AHR: variants seen among roughly 807,000 people sequenced by gnomAD.
AHR encodes AH-receptor.
AHR carries 40 observed loss-of-function variants against 86.8 expected under a neutral mutation model. The observed-to-expected ratio is 0.46, with a 90% CI of 0.36 to 0.60. The LOEUF (loss-of-function observed/expected upper bound fraction) is 0.60, where lower values mean the gene tolerates loss of function less well. Ranked by LOEUF, AHR falls within the 20% of genes least tolerant of loss-of-function variation. The probability of loss-of-function intolerance (pLI) is 0.00; values close to 1 mark genes in which losing one functional copy is unlikely to be tolerated. For synonymous variants in AHR, 398 were observed against 354.9 expected, an observed-to-expected ratio of 1.12 and a Z score of -1.37; for missense variants, 1,001 against 1,011.6, an observed-to-expected ratio of 0.99 and a Z score of 0.14.
intron 1 of AHR, among the ~76,000 whole-genome samples, chr7:17,309,075 T>C (rs952512051): frequency 6.6e-6 from 1 of 152,238 alleles, no homozygotes; most frequent in Non-Finnish European, 1.5e-5. Context: ...TAATGTCTGC[T>C]GTGAAATCCT....
intron 3 of AHR, among the ~76,000 whole-genome samples, chr7:17,327,127 G>A (rs1184588282): frequency 6.6e-6 from 1 of 152,006 alleles, no homozygotes; most frequent in African/African-American, 2.4e-5. Flanking sequence ...TGAATGTGCT[G>A]TGAACAAATA....
chr7:17,342,541 A>G (rs1267257437), intron 10 of AHR, among the ~76,000 whole-genome samples: 1 of 152,146 alleles, frequency 6.6e-6, no homozygotes, highest in Non-Finnish European at 1.5e-5. Context: ...ATTGATACCT[A>G]TAACTTCAAA....
intron 2 of AHR, among the ~76,000 whole-genome samples, chr7:17,314,571 T>G (rs1782097299): frequency 6.6e-6 from 1 of 152,104 alleles, no homozygotes; most frequent in African/African-American, 2.4e-5. Flanking sequence ...TTGTGTTTAT[T>G]CATCTTCAGC....
chr7:17,329,935 G>T lies in AHR; in HGVS notation c.451-17G>T, dbSNP rs764987578. Reference sequence around the variant, plus strand: ...AATCAGTCCTTTTGTTGTATTCCTTGTATCTTTTTTCTTTAGTCTGATGTC... The same window carrying T: ...AATCAGTCCTTTTGTTGTATTCCTTTTATCTTTTTTCTTTAGTCTGATGTC... On this transcript the variant is annotated splice_polypyrimidine_tract_variant and intron_variant, in intron 4 of 10. Transcript: ENST00000242057. 8 of 1,594,030 alleles carry T rather than the reference G, an allele frequency of 5.0e-6. No individual in the cohort carries two copies. Among genetic ancestry groups the T allele is most frequent in the Non-Finnish European group, 6.8e-6 (8 of 1,171,872 alleles).
chr7:17,330,502 A>G (rs1418359124), intron 5 of AHR, among the ~76,000 whole-genome samples: 3 of 151,972 alleles, frequency 2.0e-5, no homozygotes, highest in Non-Finnish European at 4.4e-5. Flanking sequence ...TTAAGAAAAC[A>G]AAAATGCATT....
intron 2 of AHR, among the ~76,000 whole-genome samples, chr7:17,320,640 T>A (rs1285085330): frequency 1.3e-5 from 2 of 152,108 alleles, no homozygotes; most frequent in Admixed American, 1.3e-4. Flanking sequence ...ACTCTGACGT[T>A]GTATGGTTTT....
intron 3 of AHR, among the ~76,000 whole-genome samples, chr7:17,323,242 A>C (rs1486925290): frequency 1.3e-5 from 2 of 152,118 alleles, no homozygotes; most frequent in Non-Finnish European, 2.9e-5. Context: ...TTTTTATGGA[A>C]TGTATCTCTA....
Position 17,322,527 on chromosome 7 carries a change from A to G in AHR, c.280A>G (p.Arg94Gly). The G allele has an allele frequency of 1.2e-6, 2 of 1,612,466 alleles. No individual in the cohort carries two copies. The highest frequency in any genetic ancestry group is 1.7e-6 in the Non-Finnish European group (2 of 1,178,888). ...DVALKSSPTE[R>G]NGGQDNCRAA... Reference sequence around the variant, plus strand: ...TGCATTAAAATCCTCCCCTACTGAAAGAAACGGAGGCCAGGATAACTGTAG... The same window carrying G: ...TGCATTAAAATCCTCCCCTACTGAAGGAAACGGAGGCCAGGATAACTGTAG... The change falls in exon 3 of 11, where the codon AGA (arginine) becomes GGA (glycine). Residue 94 changes from arginine (R) to glycine (G), a missense_variant. This residue lies in a region of AHR where 394 missense variants were observed against 468.5 expected (regional missense o/e 0.84). Coordinates refer to ENST00000242057, the MANE Select transcript of AHR (RefSeq NM_001621.5).
chr7:17,310,076 T>G lies in AHR; in HGVS notation c.206T>G (p.Val69Gly). 6.2e-7 allele frequency: 1 copy of G among 1,614,078 alleles called. No homozygotes were observed. Among genetic ancestry groups the G allele is most frequent in the Non-Finnish European group, 8.5e-7 (1 of 1,179,944 alleles). Residue 69 changes from valine to glycine, a missense_variant, in exon 2 of 11, where the codon GTT (valine) becomes GGT (glycine). Coordinates refer to ENST00000242057, the MANE Select transcript of AHR (RefSeq NM_001621.5). The part of the protein sequence containing the change: ...DVINKLDKLS[V>G]LRLSVSYLRA... The stretch of plus-strand genomic sequence containing the variant: ...ATTAATAAGTTGGACAAACTTTCAG[T>G]TCTTAGGCTCAGCGTCAGTTACCTG...
At chr7:17,330,971 C>T in intron 6 of AHR, 85 bp downstream of exon 6, 1 of 1,423,444 alleles carries the variant, frequency 7.0e-7, no homozygotes, top group Non-Finnish European at 9.6e-7. Flanking sequence ...AAATATAATT[C>T]AGCAGAGAAC....
rs1489409947 is a variant in AHR, at chr7:17,299,258, G to A, written c.-7G>A. On this transcript the variant is annotated 5_prime_UTR_variant, in exon 1 of 11. Transcript: ENST00000242057. Reference sequence around the variant, plus strand: ...CGGGGAGTAGCCGCCGCCGTCGGCTGGGCACCATGAACAGCAGCAGCGCCA... The same window carrying A: ...CGGGGAGTAGCCGCCGCCGTCGGCTAGGCACCATGAACAGCAGCAGCGCCA... The A allele has an allele frequency of 1.2e-6, 2 of 1,611,348 alleles. No individual in the cohort carries two copies. The highest frequency in any genetic ancestry group is 1.7e-5 in the Admixed American group (1 of 59,946).
chr7:17,317,974 A>C (rs144171687), intron 2 of AHR, among the ~76,000 whole-genome samples: 1 of 152,048 alleles, frequency 6.6e-6, no homozygotes, highest in Non-Finnish European at 1.5e-5. Flanking sequence ...AGTAACTGGA[A>C]GAATGTTAAA....
chr7:17,323,870 A>G (rs1344368250), intron 3 of AHR, among the ~76,000 whole-genome samples: 1 of 152,214 alleles, frequency 6.6e-6, no homozygotes, highest in Admixed American at 6.5e-5. Context: ...GTCATAGGAA[A>G]GCATTTTAAT....
chr7:17,317,227 A>G (rs979202932), intron 2 of AHR, among the ~76,000 whole-genome samples: 4 of 151,194 alleles, frequency 2.6e-5, no homozygotes, highest in African/African-American at 9.7e-5. Flanking sequence ...AGAGATGGAA[A>G]TTTGTTAATA....
intron 2 of AHR, among the ~76,000 whole-genome samples, chr7:17,320,557 T>A (rs953897021): frequency 2.6e-5 from 4 of 152,144 alleles, no homozygotes; most frequent in Non-Finnish European, 5.9e-5. Flanking sequence ...TTGGCTTTGT[T>A]GTTTTCTTTT....
At chr7:17,316,455 T>C (rs879014692) in intron 2 of AHR, among the ~76,000 whole-genome samples, 1 of 152,096 alleles carries the variant, frequency 6.6e-6, no homozygotes, top group Non-Finnish European at 1.5e-5. Flanking sequence ...CTCGTCTCCA[T>C]ACAAAATAAA....
At chr7:17,320,025 C>T (rs1022549356) in intron 2 of AHR, among the ~76,000 whole-genome samples, 17 of 152,050 alleles carry the variant, frequency 1.1e-4, no homozygotes, top group African/African-American at 2.4e-4. Context: ...GTGATCATTC[C>T]GCCAAATGAA....
intron 6 of AHR, 120 bp downstream of exon 6, chr7:17,331,006 G>C (rs1448206425): frequency 6.5e-6 from 7 of 1,077,372 alleles, no homozygotes; most frequent in Non-Finnish European, 7.8e-6. Flanking sequence ...GCAACCCTCA[G>C]AACCAGAGAG....
intron 2 of AHR, among the ~76,000 whole-genome samples, chr7:17,311,374 G>T (rs1458756348): frequency 6.6e-6 from 1 of 152,084 alleles, no homozygotes; most frequent in Admixed American, 6.5e-5. Flanking sequence ...TGTCTAACAA[G>T]CTCCGAGATG....
Sources: gnomAD v4.1 joint callset for allele counts (sites outside exome capture counted in the v4.1 genomes callset) on GRCh38, gnomAD v4.1.1 for gene constraint, gnomAD v4.1.1 regional missense constraint, MANE v1.5 for transcripts, NCBI Gene and HGNC (gene_info 2026-07-23, HGNC 2026-07-21) for gene names.